VPS35L: variants seen among roughly 807,000 people sequenced by gnomAD.
VPS35L encodes the protein VPS35 endosomal protein sorting factor like.
A neutral mutation model predicts 133.0 loss-of-function variants in VPS35L; 83 were observed. The observed-to-expected ratio is 0.62, with a 90% CI of 0.52 to 0.75. The LOEUF (loss-of-function observed/expected upper bound fraction) is 0.75, where lower values mean the gene tolerates loss of function less well. Among genes scored for constraint, VPS35L ranks in the 30% least tolerant of loss-of-function variants. The pLI, the probability that VPS35L is intolerant of heterozygous loss-of-function variation, is 0.00. For missense variants in VPS35L, 1,083 were observed against 1,206.8 expected (o/e 0.90, Z 1.52); for synonymous variants, 423 against 449.9 (o/e 0.94, Z 0.76).
chr16:19,653,255 A>G (rs1974190896), intron 26 of VPS35L, among the ~76,000 whole-genome samples: 1 of 152,206 alleles, frequency 6.6e-6, no homozygotes, highest in Admixed American at 6.5e-5. Flanking sequence ...CTGGTTACCT[A>G]CTGCAACGGT....
chr16:19,570,874 TATATATATATATA>T (rs1567388735), intron 3 of VPS35L, among the ~76,000 whole-genome samples: 3 of 88,258 alleles, frequency 3.4e-5, no homozygotes, highest in African/African-American at 1.8e-4. Context: ...TATATATATA[TATATATATATATA>T]TATTTTTGAG....
intron 27 of VPS35L, among the ~76,000 whole-genome samples, chr16:19,679,785 G>T (rs1016835267): frequency 6.6e-6 from 1 of 152,148 alleles, no homozygotes. Context: ...GATTACAGGC[G>T]TGAGCCACCG....
At chr16:19,561,785 A>G (rs1377529999) in intron 1 of VPS35L, among the ~76,000 whole-genome samples, 1 of 152,094 alleles carries the variant, frequency 6.6e-6, no homozygotes, top group Non-Finnish European at 1.5e-5. Context: ...TATTTTACAA[A>G]TGAGAAGTGC....
At chr16:19,667,424 T>C (rs1024543468) in intron 26 of VPS35L, among the ~76,000 whole-genome samples, 2 of 152,070 alleles carry the variant, frequency 1.3e-5, no homozygotes, top group Non-Finnish European at 2.9e-5. Flanking sequence ...TAGACCAAAA[T>C]ACGTAACAGG....
chr16:19,637,498 A>G, intron 19 of VPS35L, 96 bp from the exon 20 acceptor site: 1 of 902,646 alleles, frequency 1.1e-6, no homozygotes, highest in Non-Finnish European at 1.6e-6. Flanking sequence ...GCCTTTTTAA[A>G]AAAAAATTTA....
chr16:19,573,949 G>C (rs886685500), intron 4 of VPS35L, among the ~76,000 whole-genome samples: 3 of 152,130 alleles, frequency 2.0e-5, no homozygotes, highest in African/African-American at 7.2e-5. Flanking sequence ...TATTTCTCTG[G>C]ATGGCCATTA....
chr16:19,661,334 C>T (rs1024393726), intron 26 of VPS35L, among the ~76,000 whole-genome samples: 1 of 152,096 alleles, frequency 6.6e-6, no homozygotes, highest in Admixed American at 6.6e-5. Context: ...TTTGCTCTGG[C>T]AGACAATAAA....
chr16:19,616,540 A>T, intron 13 of VPS35L, 146 bp from the exon 14 acceptor site: 1 of 1,091,158 alleles, frequency 9.2e-7, no homozygotes. Context: ...TTTTGGTTTA[A>T]AAAAAAAAAA....
chr16:19,569,356 C>A lies in VPS35L; in HGVS notation c.118-68C>A. On this transcript the variant is annotated intron_variant, in intron 2 of 30. Transcript: ENST00000417362. ...CAACTACCAGAATGGGAGGAAAGTA[C>A]CCACTGGAGTGTTTCACTGGAGAGA... 1.9e-6 allele frequency: 3 copies of A among 1,546,758 alleles called. No homozygotes were observed. In the South Asian group the frequency reaches 3.4e-5, roughly 17 times the overall value.
intron 7 of VPS35L, among the ~76,000 whole-genome samples, chr16:19,582,977 G>A (rs1022887733): frequency 2.0e-5 from 3 of 152,096 alleles, no homozygotes; most frequent in Non-Finnish European, 4.4e-5. Flanking sequence ...AGACCAGCCT[G>A]GCCAACATGG....
At chr16:19,636,330 C>T (rs953736614) in intron 19 of VPS35L, among the ~76,000 whole-genome samples, 6 of 151,820 alleles carry the variant, frequency 4.0e-5, no homozygotes, top group Non-Finnish European at 8.8e-5. Context: ...TGAATAAATG[C>T]GTGTTTGTAT....
At chr16:19,688,460 C>T (rs190549376) in intron 28 of VPS35L, among the ~76,000 whole-genome samples, 31 of 152,296 alleles carry the variant, frequency 2.0e-4, no homozygotes, top group Admixed American at 9.8e-4. Flanking sequence ...CTGGATTAGC[C>T]GTGTGCACTT....
At chr16:19,644,450 T>C (rs912168831) in intron 22 of VPS35L, among the ~76,000 whole-genome samples, 2 of 152,186 alleles carry the variant, frequency 1.3e-5, no homozygotes, top group Non-Finnish European at 2.9e-5. Flanking sequence ...GTTGCCCAGG[T>C]TGATCTCCAA....
rs1200718859 is a variant in VPS35L, at chr16:19,626,168, A to T, written c.1225-9A>T. On this transcript the variant is annotated splice_polypyrimidine_tract_variant and intron_variant, in intron 14 of 30. Coordinates refer to ENST00000417362, the MANE Select transcript of VPS35L (RefSeq NM_020314.7). ...GATTTTTTAATTATTATTATTTTTAACATAATAGGCTCTGCTGACCGAGAT... is the reference window on the plus strand; with the variant it reads ...GATTTTTTAATTATTATTATTTTTATCATAATAGGCTCTGCTGACCGAGAT... 3.2e-6 allele frequency: 5 copies of T among 1,556,722 alleles called. No homozygotes were observed. The Admixed American group carries it at 8.0e-5, about 25-fold the overall frequency.
chr16:19,651,275 A>G (rs555520350), intron 25 of VPS35L, among the ~76,000 whole-genome samples: 2 of 145,528 alleles, frequency 1.4e-5, no homozygotes, highest in African/African-American at 5.1e-5. Context: ...CTATTCATTC[A>G]TTTATTTATT....
chr16:19,606,390 C>T (rs1322985148), intron 9 of VPS35L, among the ~76,000 whole-genome samples: 2 of 152,142 alleles, frequency 1.3e-5, no homozygotes, highest in Non-Finnish European at 2.9e-5. Flanking sequence ...GTCTGGATCT[C>T]TTGAAAGTAG....
intron 25 of VPS35L, among the ~76,000 whole-genome samples, chr16:19,651,446 C>A (rs759715705): frequency 9.3e-4 from 141 of 152,158 alleles, no homozygotes; most frequent in Non-Finnish European, 1.7e-3. Context: ...CTCAAGTGAT[C>A]CTCCTGCCTC....
rs1048821607 is a variant in VPS35L at position 19,669,143 on chromosome 16, T to C, written c.2222-17T>C. ...CCCAGAGTTCTAATATACTGACTTTTATCTTCTGTCTTGCAGCTGATGCTT... is the reference window on the plus strand; with the variant it reads ...CCCAGAGTTCTAATATACTGACTTTCATCTTCTGTCTTGCAGCTGATGCTT... On this transcript the variant is annotated splice_polypyrimidine_tract_variant and intron_variant, in intron 26 of 30. Transcript: ENST00000417362. 3.8e-6 allele frequency: 6 copies of C among 1,591,258 alleles called. No individual in the cohort carries two copies. Among genetic ancestry groups the C allele is most frequent in the South Asian group, 1.1e-5 (1 of 88,578 alleles).
At chr16:19,662,673 C>T (rs541904201) in intron 26 of VPS35L, among the ~76,000 whole-genome samples, 3 of 152,194 alleles carry the variant, frequency 2.0e-5, no homozygotes, top group African/African-American at 7.2e-5. Context: ...CCCCCACATT[C>T]ACTTACTATT....
Sources: allele counts gnomAD v4.1 joint callset (sites outside exome capture counted in the v4.1 genomes callset), GRCh38; gene constraint gnomAD v4.1.1; transcripts MANE v1.5; gene names NCBI Gene and HGNC (gene_info 2026-07-23, HGNC 2026-07-21).